Variants in AIMP1 observed in about 807,000 individuals in gnomAD.
AIMP1 encodes the protein aminoacyl tRNA synthase complex-interacting multifunctional protein 1.
Under a neutral mutation model 33.1 loss-of-function variants are expected in AIMP1, and 24 were observed. That is an observed-to-expected ratio of 0.73 (90% confidence interval 0.53 to 1.02). AIMP1 has a LOEUF of 1.02. Among genes scored for constraint, AIMP1 ranks in the 50% least tolerant of loss-of-function variants. The pLI is 0.00. For missense variants in AIMP1, 367 were observed against 364.8 expected, an observed-to-expected ratio of 1.01 and a Z score of -0.05; for synonymous variants, 120 against 121.5, an observed-to-expected ratio of 0.99 and a Z score of 0.08.
rs752913289 is a variant in AIMP1 at position 106,347,628 on chromosome 4, C to T, written c.875C>T (p.Pro292Leu). 2.1e-5 allele frequency: 34 copies of T among 1,613,224 alleles called. No homozygotes were observed. Among genetic ancestry groups the T allele is most frequent in the Middle Eastern group, 1.6e-4 (1 of 6,066 alleles). Residue 292 changes from proline to leucine, a missense_variant, in exon 7 of 7, where the codon CCC (proline) becomes CTC (leucine). Pro to Leu is a moderately conservative substitution (Grantham distance 98). Coordinates refer to ENST00000672341, the MANE Select transcript of AIMP1 (RefSeq NM_001142416.2). Reference protein sequence around the residue: ...DECVATYKGVPFEVKGKGVCR... With the variant: ...DECVATYKGVLFEVKGKGVCR... The stretch of plus-strand genomic sequence containing the variant: ...TGTGTGGCTACATACAAAGGAGTTC[C>T]CTTTGAGGTGAAAGGGAAGGGAGTA...
At chr4:106,335,559 G>T (rs150708105) in intron 5 of AIMP1, among the ~76,000 whole-genome samples, 1 of 152,034 alleles carries the variant, frequency 6.6e-6, no homozygotes, top group Non-Finnish European at 1.5e-5. Context: ...CATAGCTATC[G>T]TCAGATCCTT....
chr4:106,327,308 G>T, intron 2 of AIMP1, 143 bp from the exon 3 acceptor site: 2 of 593,386 alleles, frequency 3.4e-6, no homozygotes, highest in Admixed American at 2.8e-5. Context: ...TATTAAACTG[G>T]CATAAAGGCA....
chr4:106,318,974 G>C (rs1267574425), intron 1 of AIMP1, among the ~76,000 whole-genome samples: 2 of 151,998 alleles, frequency 1.3e-5, no homozygotes, highest in Non-Finnish European at 2.9e-5. Context: ...TAAAATAATA[G>C]AGCTTCTTGG....
intron 5 of AIMP1, among the ~76,000 whole-genome samples, chr4:106,336,264 A>AAC (rs377272770): frequency 0.067 from 10,065 of 150,670 alleles, 371 homozygotes; most frequent in Middle Eastern, 0.17. Context: ...AAAAAAAAAA[A>AAC]ACACTGGGCT....
At chr4:106,321,608 G>C (rs1348652842) in intron 1 of AIMP1, 1 of 156,604 alleles carries the variant, frequency 6.4e-6, no homozygotes, top group South Asian at 1.9e-4. Context: ...CCGGCGCCCC[G>C]TCTGGGAGGT....
intron 1 of AIMP1, among the ~76,000 whole-genome samples, chr4:106,317,741 A>C (rs762007672): frequency 2.0e-5 from 3 of 152,208 alleles, no homozygotes; most frequent in Non-Finnish European, 4.4e-5. Flanking sequence ...TGGCTTTGCT[A>C]TGTGGTACTT....
At position 106,347,798 on chromosome 4, in the gene AIMP1, C is replaced by G. The variant is rs1770361978; in HGVS notation, c.*106C>G. 24 of 1,191,884 alleles carry G rather than the reference C, an allele frequency of 2.0e-5. No homozygotes were observed. In the East Asian group the frequency reaches 5.4e-4, roughly 27 times the overall value. The allele number at this position is 1,191,884 out of a possible 1,614,324, so 73.8% of individuals were successfully genotyped here. On this transcript the variant is annotated 3_prime_UTR_variant, in exon 7 of 7. Transcript: ENST00000672341. Reference sequence around the variant, plus strand: ...ATGAGTGGCTCATTTTTGCATTACTCTCTTCTAGACTTGACTAGTCATTTA... The same window carrying G: ...ATGAGTGGCTCATTTTTGCATTACTGTCTTCTAGACTTGACTAGTCATTTA...
Position 106,336,030 on chromosome 4 carries a change from C to CTTT in AIMP1, c.604-812_604-810dup, listed in dbSNP as rs34219049. On this transcript the variant is annotated intron_variant, in intron 5 of 6. Transcript: ENST00000672341. The stretch of plus-strand genomic sequence containing the variant: ...CATGATGCTGAAATTGTTAAATGAT[C>CTTT]TTTTTTTTTTTTTTTTTTTTTTTTT... Among the ~76,000 whole-genome samples the CTTT allele has an allele frequency of 2.9e-4, 17 of 59,424 alleles. 1 individual carries two copies. Among genetic ancestry groups the CTTT allele is most frequent in the Non-Finnish European group, 3.7e-4 (12 of 32,602 alleles). The allele number at this position is 59,424 out of a possible 152,430, so 39.0% of individuals were successfully genotyped here. A position where few individuals can be genotyped will look rare whatever the true frequency, so the allele number is the denominator to read the frequency against.
intron 6 of AIMP1, 59 bp from the exon 7 acceptor site, chr4:106,347,467 C>G (rs1056235461): frequency 6.6e-6 from 10 of 1,503,960 alleles, no homozygotes; most frequent in Non-Finnish European, 9.0e-6. Context: ...TGAATAGTCT[C>G]TTTAATATTT....
At position 106,348,757 on chromosome 4, in the gene AIMP1, A is replaced by G. The variant is rs1770392161; in HGVS notation, c.*1065A>G. ...GGAGTGTGGATAGGGGAGGGCTGGTAGCTAACAAGGGGCCTCACAGAGAAA... is the reference window on the plus strand; with the variant it reads ...GGAGTGTGGATAGGGGAGGGCTGGTGGCTAACAAGGGGCCTCACAGAGAAA... On this transcript the variant is annotated 3_prime_UTR_variant, in exon 7 of 7. Transcript: ENST00000672341. 6.6e-6 allele frequency: 1 copy of G among 152,150 alleles called. No individual in the cohort carries two copies. Among genetic ancestry groups the G allele is most frequent in the Non-Finnish European group, 1.5e-5 (1 of 68,036 alleles). 9.4% of individuals were successfully genotyped at this position (152,150 alleles called of 1,614,324 possible).
In AIMP1 at chr4:106,343,003, C is replaced by T. The variant is rs180895759; in HGVS notation, c.773-4523C>T. On this transcript the variant is annotated intron_variant, in intron 6 of 6. Coordinates refer to ENST00000672341, the MANE Select transcript of AIMP1 (RefSeq NM_001142416.2). ...CACTGCAATCTCTGCCTTTTAGGCT[C>T]GAGCCAACCTCCCACCTCAGCCTCC... 2.2e-3 allele frequency among the ~76,000 whole-genome samples: 332 copies of T among 150,794 alleles called. 1 individual carries two copies. The highest frequency in any genetic ancestry group is 7.7e-3 in the African/African-American group (315 of 40,938).
chr4:106,330,107 C>T (rs943835396), intron 4 of AIMP1, among the ~76,000 whole-genome samples: 19 of 151,914 alleles, frequency 1.3e-4, no homozygotes, highest in Non-Finnish European at 2.2e-4. Context: ...CTTAATTGAG[C>T]GTCACTCATT....
chr4:106,316,615 T>C (rs898573683), intron 1 of AIMP1, 21 bp downstream of exon 1: 1 of 1,549,624 alleles, frequency 6.5e-7, no homozygotes, highest in African/African-American at 1.4e-5. Context: ...TCGTGGCGGG[T>C]CACTCACTCG....
intron 1 of AIMP1, among the ~76,000 whole-genome samples, chr4:106,322,843 G>T (rs2125919851): frequency 6.6e-6 from 1 of 152,132 alleles, no homozygotes; most frequent in Admixed American, 6.5e-5. Flanking sequence ...TCAAAAATTA[G>T]TCAGGTGGCA....
chr4:106,324,958 A>C, intron 1 of AIMP1, 27 bp from the exon 2 acceptor site: 2 of 1,564,986 alleles, frequency 1.3e-6, no homozygotes, highest in Non-Finnish European at 1.7e-6. Context: ...TTCACAGTGT[A>C]ATTTATCACT....
intron 5 of AIMP1, among the ~76,000 whole-genome samples, chr4:106,332,696 C>G (rs1332737456): frequency 6.7e-6 from 1 of 149,466 alleles, no homozygotes; most frequent in Non-Finnish European, 1.5e-5. Context: ...ATACATCTGT[C>G]TATATAGATA....
At chr4:106,347,489 C>T in intron 6 of AIMP1, 37 bp from the exon 7 acceptor site, 1 of 1,581,220 alleles carries the variant, frequency 6.3e-7, no homozygotes, top group Non-Finnish European at 8.6e-7. Context: ...TGTATATTAG[C>T]TGTGTAATTT....
At chr4:106,326,118 T>A (rs966003923) in intron 2 of AIMP1, among the ~76,000 whole-genome samples, 1 of 152,118 alleles carries the variant, frequency 6.6e-6, no homozygotes, top group Non-Finnish European at 1.5e-5. Context: ...TTCAAACTGA[T>A]GAGTGATTGA....
chr4:106,329,879 G>A (rs142567682), intron 4 of AIMP1, among the ~76,000 whole-genome samples: 2,010 of 140,564 alleles, frequency 0.014, 50 homozygotes, highest in African/African-American at 0.048. Flanking sequence ...TCCACCTCCC[G>A]GGTTCAAGCA....
Sources: allele counts gnomAD v4.1 joint callset (sites outside exome capture counted in the v4.1 genomes callset), GRCh38; gene constraint gnomAD v4.1.1; transcripts MANE v1.5; gene names NCBI Gene and HGNC (gene_info 2026-07-23, HGNC 2026-07-21).